The following RYR2 variants were observed in gnomAD, a reference collection of about 807,000 sequenced individuals.
RYR2 encodes ryanodine receptor 2.
In RYR2, 227 loss-of-function variants were observed where a neutral mutation model predicts 601.1. That is an observed-to-expected ratio of 0.38 (90% confidence interval 0.34 to 0.42). RYR2 has a LOEUF of 0.42. Ranked by LOEUF, RYR2 falls within the 10% of genes least tolerant of loss-of-function variation. RYR2 has a pLI of 1.00. For missense variants in RYR2, 4,646 were observed against 6,156.5 expected, an observed-to-expected ratio of 0.75 and a Z score of 8.21; for synonymous variants, 2,223 against 2,175.1, an observed-to-expected ratio of 1.02 and a Z score of -0.61.
At chr1:237,753,040 A>C (rs1284402632) in intron 80 of RYR2, among the ~76,000 whole-genome samples, 1 of 152,236 alleles carries the variant, frequency 6.6e-6, no homozygotes, top group Admixed American at 6.5e-5. Context: ...TGCACAGATG[A>C]TAGATTTGGT....
intron 4 of RYR2, among the ~76,000 whole-genome samples, chr1:237,359,179 C>T (rs1456889675): frequency 6.6e-6 from 1 of 152,142 alleles, no homozygotes; most frequent in Non-Finnish European, 1.5e-5. Context: ...GGGCTGAGAA[C>T]ACTTACATTA....
chr1:237,309,724 C>T (rs79258830), intron 2 of RYR2, among the ~76,000 whole-genome samples: 51,320 of 151,788 alleles, frequency 0.34, 8,850 homozygotes, highest in South Asian at 0.51. Context: ...AGCCCATGGC[C>T]GGGGGGAGGC....
intron 1 of RYR2, among the ~76,000 whole-genome samples, chr1:237,265,309 G>A (rs1211987129): frequency 6.6e-6 from 1 of 152,106 alleles, no homozygotes; most frequent in African/African-American, 2.4e-5. Flanking sequence ...CTTGTAGGCT[G>A]AAGGATTTTT....
chr1:237,663,693 A>G (rs1435521547), intron 56 of RYR2, among the ~76,000 whole-genome samples: 1 of 152,244 alleles, frequency 6.6e-6, no homozygotes, highest in African/African-American at 2.4e-5. Flanking sequence ...ACTTAAAAGA[A>G]TAACTGGCAT....
chr1:237,580,437 G>A (rs1175007476), intron 29 of RYR2, among the ~76,000 whole-genome samples: 2 of 150,156 alleles, frequency 1.3e-5, no homozygotes, highest in South Asian at 2.1e-4. Context: ...GATTACAGGC[G>A]TGAGCCACTG....
chr1:237,700,516 C>A, intron 65 of RYR2, 49 bp downstream of exon 65: 4 of 893,792 alleles, frequency 4.5e-6, no homozygotes, highest in South Asian at 3.3e-5. Context: ...TCGAAATACC[C>A]TGTAGTACAA....
intron 24 of RYR2, among the ~76,000 whole-genome samples, chr1:237,514,853 T>G (rs1666259719): frequency 6.6e-6 from 1 of 152,222 alleles, no homozygotes; most frequent in South Asian, 2.1e-4. Context: ...TGATAAAGGC[T>G]TTAACACCAT....
At chr1:237,747,011 T>A (rs939749096) in intron 80 of RYR2, among the ~76,000 whole-genome samples, 2 of 152,208 alleles carry the variant, frequency 1.3e-5, no homozygotes, top group Admixed American at 6.5e-5. Flanking sequence ...ATTCTTTAGA[T>A]GGTTACTTCT....
chr1:237,600,661 A>G (rs1198616189), intron 34 of RYR2, among the ~76,000 whole-genome samples: 5 of 152,184 alleles, frequency 3.3e-5, no homozygotes, highest in African/African-American at 4.8e-5. Flanking sequence ...GAGTGAAAAG[A>G]CAATCTACAG....
intron 1 of RYR2, among the ~76,000 whole-genome samples, chr1:237,102,124 G>C (rs1159241485): frequency 1.3e-5 from 2 of 152,160 alleles, no homozygotes; most frequent in Admixed American, 1.3e-4. Context: ...GTGTGTGAAG[G>C]CTTCGTGGTA....
intron 1 of RYR2, among the ~76,000 whole-genome samples, chr1:237,224,583 C>G (rs1482272090): frequency 6.6e-6 from 1 of 152,122 alleles, no homozygotes; most frequent in African/African-American, 2.4e-5. Context: ...ACAGGCTGGG[C>G]ACAGTGGCTC....
chr1:237,496,426 A>G lies in RYR2; in HGVS notation c.1962-85A>G, dbSNP rs1266560494. On this transcript the variant is annotated intron_variant, in intron 19 of 104. Transcript: ENST00000366574. ...CTGTCTCAATAAAATTAAATGAAAT[A>G]CACAAGTGAAATTGTGAGATGTAAA... is the stretch of plus-strand genomic sequence containing the variant. The G allele has an allele frequency of 5.2e-6, 8 of 1,550,988 alleles. No individual in the cohort carries two copies. In the African/African-American group the frequency reaches 8.2e-5, roughly 16 times the overall value.
chr1:237,108,138 C>T (rs1333235462), intron 1 of RYR2, among the ~76,000 whole-genome samples: 1 of 152,064 alleles, frequency 6.6e-6, no homozygotes, highest in Non-Finnish European at 1.5e-5. Flanking sequence ...GTAGCATTTC[C>T]CAAATTTTCC....
At chr1:237,541,821 A>G (rs898534439) in intron 25 of RYR2, among the ~76,000 whole-genome samples, 1 of 152,168 alleles carries the variant, frequency 6.6e-6, no homozygotes, top group Non-Finnish European at 1.5e-5. Flanking sequence ...AGGATGAGCC[A>G]GGAAAAGGAC....
intron 4 of RYR2, among the ~76,000 whole-genome samples, chr1:237,359,332 G>A (rs1324384439): frequency 6.6e-6 from 1 of 152,166 alleles, no homozygotes; most frequent in Non-Finnish European, 1.5e-5. Flanking sequence ...CCTGCTGAAT[G>A]CAAATCACTT....
Position 237,303,239 on chromosome 1 carries a change from G to T in RYR2, c.169-27639G>T, listed in dbSNP as rs183056130. 5.5e-3 allele frequency among the ~76,000 whole-genome samples: 832 copies of T among 150,370 alleles called. 4 individuals carry two copies. Among genetic ancestry groups the T allele is most frequent in the Non-Finnish European group, 9.3e-3 (631 of 67,796 alleles). On this transcript the variant is annotated intron_variant, in intron 2 of 104. Coordinates refer to ENST00000366574, the MANE Select transcript of RYR2 (RefSeq NM_001035.3). Reference sequence around the variant, plus strand: ...GCTTTGGTTATTAAAGTTCTAAAGGGTATATGTGTTAATAATTTATATCTA... The same window carrying T: ...GCTTTGGTTATTAAAGTTCTAAAGGTTATATGTGTTAATAATTTATATCTA...
At chr1:237,173,884 G>T (rs919181095) in intron 1 of RYR2, among the ~76,000 whole-genome samples, 1 of 151,990 alleles carries the variant, frequency 6.6e-6, no homozygotes, top group Non-Finnish European at 1.5e-5. Flanking sequence ...GTGAAGCCCC[G>T]TCTCTACTAA....
chr1:237,661,441 C>A (rs1326255058), intron 56 of RYR2, among the ~76,000 whole-genome samples: 1 of 151,892 alleles, frequency 6.6e-6, no homozygotes, highest in African/African-American at 2.4e-5. Context: ...CACGTGTATA[C>A]CTATGTAACA....
intron 10 of RYR2, among the ~76,000 whole-genome samples, chr1:237,413,865 TA>T (rs2150011881): frequency 6.6e-6 from 1 of 152,246 alleles, no homozygotes; most frequent in Non-Finnish European, 1.5e-5. Context: ...GATTGCAGAT[TA>T]AAAGTGTTCA....
Sources: allele counts gnomAD v4.1 joint callset (sites outside exome capture counted in the v4.1 genomes callset), GRCh38; gene constraint gnomAD v4.1.1; transcripts MANE v1.5; gene names NCBI Gene and HGNC (gene_info 2026-07-23, HGNC 2026-07-21).